NPSR1: variants seen among roughly 807,000 people sequenced by gnomAD.
The protein encoded by NPSR1 is neuropeptide S receptor 1, also known as neuropeptide S receptor.
A neutral mutation model predicts 46.9 loss-of-function variants in NPSR1; 48 were observed. The observed-to-expected ratio is 1.02, with a 90% CI of 0.81 to 1.30. The LOEUF (loss-of-function observed/expected upper bound fraction) is 1.30. NPSR1 is among the 50% of genes most tolerant of loss of function. NPSR1 has a pLI of 0.00. For synonymous variants in NPSR1, 176 were observed against 168.1 expected (o/e 1.05, Z -0.36); for missense variants, 450 against 449.5 (o/e 1.00, Z -0.01).
intron 8 of NPSR1, among the ~76,000 whole-genome samples, chr7:34,874,813 A>C (rs1206151790): frequency 3.3e-5 from 5 of 152,170 alleles, no homozygotes; most frequent in Non-Finnish European, 5.9e-5. Flanking sequence ...AAATGACCCC[A>C]GCAGGCCATG....
chr7:34,838,139 C>T (rs777630213), intron 6 of NPSR1, among the ~76,000 whole-genome samples: 186 of 152,256 alleles, frequency 1.2e-3, no homozygotes, highest in Non-Finnish European at 2.3e-3. Context: ...ATGCCTCCCC[C>T]CAGGGAGGCT....
chr7:34,753,094 G>T (rs1785626037), intron 2 of NPSR1, among the ~76,000 whole-genome samples: 1 of 152,184 alleles, frequency 6.6e-6, no homozygotes, highest in Non-Finnish European at 1.5e-5. Context: ...AATAGTAATT[G>T]ATGAGTGTTT....
At chr7:34,834,534 G>A in intron 6 of NPSR1, 74 bp downstream of exon 6, 1 of 1,016,682 alleles carries the variant, frequency 9.8e-7, no homozygotes, top group Non-Finnish European at 1.6e-6. Context: ...GCAAATGTGA[G>A]CTAGGGACTC....
chr7:34,861,291 C>A (rs1791186413), intron 8 of NPSR1, among the ~76,000 whole-genome samples: 1 of 151,902 alleles, frequency 6.6e-6, no homozygotes, highest in Non-Finnish European at 1.5e-5. Context: ...CTCTGAGCCA[C>A]CTCCCCATGC....
chr7:34,851,630 A>G (rs1790937096), downstream of NPSR1, among the ~76,000 whole-genome samples: 1 of 152,202 alleles, frequency 6.6e-6, no homozygotes, highest in African/African-American at 2.4e-5. Flanking sequence ...CAATTAACAG[A>G]GCAAAATCTG....
chr7:34,849,664 G>A lies in NPSR1; in HGVS notation c.*9G>A. On this transcript the variant is annotated 3_prime_UTR_variant, in exon 9 of 9. Coordinates refer to ENST00000360581, the MANE Select transcript of NPSR1 (RefSeq NM_207172.2). ...AGCCAGAATTCATCTAGACCCTAGG[G>A]CAGTGCCAGTGCTAGGCTGAGCACC... The A allele has an allele frequency of 2.5e-6, 4 of 1,613,972 alleles. No homozygotes were observed. The Middle Eastern group carries it at 6.6e-4, about 268-fold the overall frequency.
intron 2 of NPSR1, among the ~76,000 whole-genome samples, chr7:34,745,729 G>C (rs34703283): frequency 6.6e-6 from 1 of 152,094 alleles, no homozygotes; most frequent in African/African-American, 2.4e-5. Flanking sequence ...GCCCAGGCTG[G>C]TCTTAAACTC....
At chr7:34,847,126 G>C (rs751204073) in intron 7 of NPSR1, among the ~76,000 whole-genome samples, 22 of 152,260 alleles carry the variant, frequency 1.4e-4, no homozygotes, top group Non-Finnish European at 2.9e-4. Context: ...ACATTGCCAA[G>C]GTCTGGGGTC....
intron 2 of NPSR1, among the ~76,000 whole-genome samples, chr7:34,731,037 AG>A (rs1258550294): frequency 1.3e-5 from 2 of 152,226 alleles, no homozygotes; most frequent in Non-Finnish European, 2.9e-5. Flanking sequence ...AGATTTTTTA[AG>A]CATGATACCA....
At chr7:34,792,715 T>TTTATA (rs1554331562) in intron 3 of NPSR1, among the ~76,000 whole-genome samples, 11 of 98,920 alleles carry the variant, frequency 1.1e-4, no homozygotes, top group African/African-American at 4.2e-4. Flanking sequence ...ATATATATAT[T>TTTATA]TATATATATA....
At chr7:34,822,365 C>A (rs1475787304) in intron 4 of NPSR1, among the ~76,000 whole-genome samples, 3 of 151,980 alleles carry the variant, frequency 2.0e-5, no homozygotes, top group African/African-American at 7.2e-5. Flanking sequence ...AGGAGGGAGT[C>A]AAATGTAGCT....
intron 2 of NPSR1, among the ~76,000 whole-genome samples, chr7:34,688,581 C>T (rs1583812193): frequency 1.3e-5 from 2 of 152,112 alleles, no homozygotes; most frequent in Admixed American, 6.5e-5. Context: ...GATGTAATTC[C>T]AGCCATTTAA....
chr7:34,771,184 T>C (rs1433714721), intron 2 of NPSR1, among the ~76,000 whole-genome samples: 1 of 152,134 alleles, frequency 6.6e-6, no homozygotes, highest in Non-Finnish European at 1.5e-5. Context: ...CCTGTAATCC[T>C]AGCACTTTGA....
intron 1 of NPSR1, among the ~76,000 whole-genome samples, chr7:34,672,872 C>T (rs1280901703): frequency 6.6e-6 from 1 of 152,192 alleles, no homozygotes; most frequent in Non-Finnish European, 1.5e-5. Flanking sequence ...GACAATGACA[C>T]AGGCCCTGGA....
At chr7:34,825,099 C>G (rs1789758241) in intron 4 of NPSR1, among the ~76,000 whole-genome samples, 1 of 152,176 alleles carries the variant, frequency 6.6e-6, no homozygotes, top group Non-Finnish European at 1.5e-5. Context: ...CTCAACCTTC[C>G]TTTTTAGGTA....
At chr7:34,726,812 A>C (rs1784176789) in intron 2 of NPSR1, among the ~76,000 whole-genome samples, 1 of 133,092 alleles carries the variant, frequency 7.5e-6, no homozygotes, top group Non-Finnish European at 1.6e-5. Flanking sequence ...CAAAACTATG[A>C]AGACAGTAAA....
At chr7:34,703,011 T>C (rs1269326786) in intron 2 of NPSR1, among the ~76,000 whole-genome samples, 1 of 152,212 alleles carries the variant, frequency 6.6e-6, no homozygotes, top group African/African-American at 2.4e-5. Context: ...AGAGCAGAGA[T>C]TCTCTCCGTT....
At chr7:34,872,220 T>C (rs13309983) in intron 8 of NPSR1, among the ~76,000 whole-genome samples, 1 of 151,980 alleles carries the variant, frequency 6.6e-6, no homozygotes, top group South Asian at 2.1e-4. Flanking sequence ...GCCCAAGCTG[T>C]ACCTTGGCCC....
chr7:34,698,576 T>A (rs573442918), intron 2 of NPSR1, among the ~76,000 whole-genome samples: 1 of 152,320 alleles, frequency 6.6e-6, no homozygotes, highest in Non-Finnish European at 1.5e-5. Context: ...AGGGTGACTT[T>A]CTTACAACAA....
Sources: allele counts gnomAD v4.1 joint callset (sites outside exome capture counted in the v4.1 genomes callset), GRCh38; gene constraint gnomAD v4.1.1; transcripts MANE v1.5; gene names NCBI Gene and HGNC (gene_info 2026-07-23, HGNC 2026-07-21).